Variants in DOCK8 observed in about 807,000 individuals in gnomAD.
DOCK8 encodes dedicator of cytokinesis 8.
Under a neutral mutation model 245.6 loss-of-function variants are expected in DOCK8, and 141 were observed. That is an observed-to-expected ratio of 0.57 (90% CI 0.50 to 0.66). The LOEUF (loss-of-function observed/expected upper bound fraction) is 0.66, where lower values mean the gene tolerates loss of function less well. Among genes scored for constraint, DOCK8 ranks in the 30% least tolerant of loss-of-function variants. The pLI, the probability that DOCK8 is intolerant of heterozygous loss-of-function variation, is 0.00. For missense variants in DOCK8, 2,965 were observed against 2,603.4 expected (o/e 1.14, Z -3.02); for synonymous variants, 1,168 against 970.2 (o/e 1.20, Z -3.79).
At chr9:211,345 G>A (rs374119896), upstream of DOCK8, among the ~76,000 whole-genome samples, 8 of 152,032 alleles carry the variant, frequency 5.3e-5, no homozygotes, top group African/African-American at 9.7e-5. Flanking sequence ...TTTGTGAAGT[G>A]GGCATACGAG....
intron 6 of DOCK8, 40 bp from the exon 7 acceptor site, chr9:317,003 G>A: frequency 6.6e-7 from 1 of 1,512,452 alleles, no homozygotes; most frequent in Non-Finnish European, 9.2e-7. Flanking sequence ...GCTCCCCACA[G>A]AATTCACTAA....
At chr9:215,727 T>G in intron 1 of DOCK8, 2 of 273,860 alleles carry the variant, frequency 7.3e-6, no homozygotes, top group African/African-American at 2.2e-5. Context: ...CACCATCCAA[T>G]TCCTAATCAA....
Position 368,096 on chromosome 9 carries a change from C to G in DOCK8, c.1758C>G (p.Ile586Met). 2 of 1,614,104 alleles carry G rather than the reference C, an allele frequency of 1.2e-6. No homozygotes were observed. The highest frequency in any genetic ancestry group is 1.1e-5 in the South Asian group (1 of 91,074). The stretch of plus-strand genomic sequence containing the variant: ...CAGCCCGGAACATTACAATAAAGAT[C>G]CAGTTTATGTGTGGAGAAGATGCTA... ...LASARNITIKIQFMCGEDASN... is the reference protein window; with the variant it reads ...LASARNITIKMQFMCGEDASN... Residue 586 changes from isoleucine (I) to methionine (M), a missense_variant, in exon 15 of 48, where the codon ATC (isoleucine) becomes ATG (methionine). Physicochemically the swap from Ile to Met is conservative, Grantham distance 10 (BLOSUM62 1). Coordinates refer to ENST00000432829, the MANE Select transcript of DOCK8 (RefSeq NM_203447.4).
chr9:351,030 C>T (rs2052142230), intron 14 of DOCK8, among the ~76,000 whole-genome samples: 1 of 152,164 alleles, frequency 6.6e-6, no homozygotes. Context: ...GACAATTAGC[C>T]TAGTTCACTG....
chr9:435,475 T>TA (rs147350869), intron 39 of DOCK8, among the ~76,000 whole-genome samples: 1,679 of 152,312 alleles, frequency 0.011, 30 homozygotes, highest in African/African-American at 0.039. Context: ...TAAGGTCACT[T>TA]AAACTCTTTT....
At chr9:268,866 T>C (rs2048093277) in intron 1 of DOCK8, among the ~76,000 whole-genome samples, 4 of 152,246 alleles carry the variant, frequency 2.6e-5, no homozygotes, top group Non-Finnish European at 5.9e-5. Context: ...TCATGCAATA[T>C]AGACCTTTGT....
rs570772538 is a variant in DOCK8, at chr9:406,427, C to T, written c.3391-503C>T. Among the ~76,000 whole-genome samples the T allele has an allele frequency of 2.5e-4, 37 of 146,914 alleles. No homozygotes were observed. In the South Asian group the frequency reaches 7.5e-3, roughly 30 times the overall value. ...GCTTGAACCCGGGAGAGGGAGGTTGCAGTGAGCTGAGACCATGCCACTGCA... is the reference window on the plus strand; with the variant it reads ...GCTTGAACCCGGGAGAGGGAGGTTGTAGTGAGCTGAGACCATGCCACTGCA... On this transcript the variant is annotated intron_variant, in intron 27 of 47. Coordinates refer to ENST00000432829, the MANE Select transcript of DOCK8 (RefSeq NM_203447.4).
rs1253270853 is a variant in DOCK8 at position 463,648 on chromosome 9, A to C, written c.6200A>C (p.Glu2067Ala). 1 of 1,613,766 alleles carries C rather than the reference A, an allele frequency of 6.2e-7. No individual in the cohort carries two copies. The highest frequency in any genetic ancestry group is 8.5e-7 in the Non-Finnish European group (1 of 1,180,032). Residue 2067 changes from glutamate (E) to alanine (A), a missense_variant, in exon 47 of 48, where the codon GAA becomes GCA. Around this residue, in one of 3 missense-constraint regions of DOCK8, gnomAD observed 134 missense variants for 128.1 expected, o/e 1.05. Coordinates refer to ENST00000432829, the MANE Select transcript of DOCK8 (RefSeq NM_203447.4). ...CCAATGATCGAGCGGAAAATTCCAG[A>C]ACTGTACAAGCCAATATTCAGAGTT... ...LRPMIERKIPELYKPIFRVES... is the reference protein window; with the variant it reads ...LRPMIERKIPALYKPIFRVES...
chr9:423,132 C>T (rs1245808513), intron 33 of DOCK8, among the ~76,000 whole-genome samples: 4 of 151,754 alleles, frequency 2.6e-5, no homozygotes, highest in South Asian at 2.1e-4. Context: ...CTCTTTTATA[C>T]TTTGCTATGT....
chr9:246,100 T>A (rs539998072), intron 1 of DOCK8, among the ~76,000 whole-genome samples: 1 of 152,144 alleles, frequency 6.6e-6, no homozygotes, highest in South Asian at 2.1e-4. Context: ...GTACCTGTAG[T>A]TCCAGCTACT....
rs2053933242 is a variant in DOCK8, at chr9:385,968, A to G, written c.2779-363A>G. ...TTGACAATGTATTGGTGTTTAGGAGACAGCGTGGTGCAGTACCGTACTAAA... is the reference window on the plus strand; with the variant it reads ...TTGACAATGTATTGGTGTTTAGGAGGCAGCGTGGTGCAGTACCGTACTAAA... On this transcript the variant is annotated intron_variant, in intron 22 of 47. Transcript: ENST00000432829. Among the ~76,000 whole-genome samples the G allele has an allele frequency of 1.3e-5, 2 of 152,136 alleles. 1 individual carries two copies. The highest frequency in any genetic ancestry group is 4.1e-4 in the South Asian group (2 of 4,822).
chr9:355,393 T>G (rs1009266451), intron 14 of DOCK8, among the ~76,000 whole-genome samples: 10 of 151,732 alleles, frequency 6.6e-5, no homozygotes, highest in Non-Finnish European at 1.2e-4. Context: ...TAGTAGAGAC[T>G]GGGTTTCACC....
At chr9:330,847 A>C (rs182136676) in intron 9 of DOCK8, among the ~76,000 whole-genome samples, 1 of 152,208 alleles carries the variant, frequency 6.6e-6, no homozygotes, top group African/African-American at 2.4e-5. Flanking sequence ...ATAGGTTCTC[A>C]TGTCGGTCTG....
intron 2 of DOCK8, among the ~76,000 whole-genome samples, chr9:281,641 C>CTGTGTGTGTGTGTGTGTG (rs60099453): frequency 7.5e-4 from 113 of 150,796 alleles, no homozygotes; most frequent in African/African-American, 2.5e-3. Flanking sequence ...GTTTGTGTGC[C>CTGTGTGTGTGTGTGTGTG]TGTGTGTGTG....
At chr9:214,847 A>T (rs80013679), upstream of DOCK8, 2 of 1,601,676 alleles carry the variant, frequency 1.2e-6, no homozygotes, top group Non-Finnish European at 8.5e-7. Context: ...GGAAATGCGG[A>T]AGTTTCCAGC....
Position 293,527 on chromosome 9 carries a change from A to G in DOCK8, c.404+3946A>G, listed in dbSNP as rs545174419. ...GTGATGCTTTCATAGATAAGCCACT[A>G]TTATGAAGAAGGAGACTTCAGATTT... On this transcript the variant is annotated intron_variant, in intron 4 of 47. Transcript: ENST00000432829. Among the ~76,000 whole-genome samples the G allele has an allele frequency of 2.6e-4, 39 of 152,386 alleles. 1 individual carries two copies. The highest frequency in any genetic ancestry group is 7.0e-4 in the African/African-American group (29 of 41,596).
intron 19 of DOCK8, 66 bp downstream of exon 19, chr9:376,371 A>T: frequency 2.7e-6 from 3 of 1,112,320 alleles, no homozygotes; most frequent in Non-Finnish European, 4.2e-6. Context: ...AGGACAGGCC[A>T]ATAAAAGATC....
intron 1 of DOCK8, among the ~76,000 whole-genome samples, chr9:254,110 T>TA (rs2047714832): frequency 6.6e-6 from 1 of 152,212 alleles, no homozygotes; most frequent in Non-Finnish European, 1.5e-5. Flanking sequence ...GGAACCCTGA[T>TA]ATTGACAGTA....
Position 272,854 on chromosome 9 carries a change from C to G in DOCK8, c.156+1125C>G, listed in dbSNP as rs142312098. ...CAAATGAGATGGTTTGTAAAACCAG[C>G]AGTGAATATTCACTTCCTCTGTGAG... On this transcript the variant is annotated intron_variant, in intron 2 of 47. Transcript: ENST00000432829. 7.8e-3 allele frequency: 1,262 copies of G among 161,404 alleles called. 9 individuals are homozygous for G. The highest frequency in any genetic ancestry group is 0.013 in the Middle Eastern group (4 of 316). The allele number at this position is 161,404 out of a possible 1,614,324, so 10.0% of individuals were successfully genotyped here. A position where few individuals can be genotyped will look rare whatever the true frequency, so the allele number is the denominator to read the frequency against.
Sources: gnomAD v4.1 joint callset for allele counts (sites outside exome capture counted in the v4.1 genomes callset) on GRCh38, gnomAD v4.1.1 for gene constraint, gnomAD v4.1.1 regional missense constraint, MANE v1.5 for transcripts, NCBI Gene and HGNC (gene_info 2026-07-23, HGNC 2026-07-21) for gene names.